The following FRMD3 variants were observed in gnomAD, a reference collection of about 807,000 sequenced individuals.
The protein encoded by FRMD3 is FERM domain containing 3.
FRMD3 carries 33 observed loss-of-function variants against 70.2 expected under a neutral mutation model. The ratio of observed to expected loss-of-function variants is 0.47; its 90% CI spans 0.36 to 0.63. FRMD3 has a LOEUF of 0.63. Among genes scored for constraint, FRMD3 ranks in the 20% least tolerant of loss-of-function variants. The pLI is 0.00. For missense variants in FRMD3, 632 were observed against 711.4 expected, an observed-to-expected ratio of 0.89 and a Z score of 1.27; for synonymous variants, 279 against 255.9, an observed-to-expected ratio of 1.09 and a Z score of -0.86.
At chr9:83,269,253 C>T (rs577274219) in intron 13 of FRMD3, among the ~76,000 whole-genome samples, 1 of 152,270 alleles carries the variant, frequency 6.6e-6, no homozygotes, top group South Asian at 2.1e-4. Flanking sequence ...CATGTTAAAA[C>T]AACATATGAC....
chr9:83,538,225 C>T lies in FRMD3; in HGVS notation c.7G>A (p.Ala3Thr), dbSNP rs560724155. Residue 3 changes from alanine (A) to threonine (T), a missense_variant, in exon 1 of 14, where the codon GCC becomes ACC. Ala to Thr is a moderately conservative substitution (Grantham distance 58). Around this residue, in one of 3 missense-constraint regions of FRMD3, gnomAD observed 208 missense variants for 247.7 expected, o/e 0.84. Coordinates refer to ENST00000304195, the MANE Select transcript of FRMD3 (RefSeq NM_174938.6). The surrounding 1 kb of genome is among the most constrained non-coding windows in gnomAD (Gnocchi z 4.7). Reference sequence around the variant, plus strand: ...CCTCTCGGCACACAGTGGCAGGAGGCGAACATGCACCGCGGCCGTGGGGAG... The same window carrying T: ...CCTCTCGGCACACAGTGGCAGGAGGTGAACATGCACCGCGGCCGTGGGGAG... MF[A>T]SCHCVPRGRR... is the part of the protein sequence containing the mutation. 1.9e-5 allele frequency: 30 copies of T among 1,570,786 alleles called. No individual in the cohort carries two copies. The South Asian group carries it at 3.1e-4, about 16-fold the overall frequency.
chr9:83,409,576 G>C (rs1826222414), intron 1 of FRMD3, among the ~76,000 whole-genome samples: 1 of 152,220 alleles, frequency 6.6e-6, no homozygotes, highest in Non-Finnish European at 1.5e-5. Flanking sequence ...GCAAATGCTT[G>C]TGTATGATTA....
At chr9:83,530,776 A>T (rs1046221495) in intron 1 of FRMD3, among the ~76,000 whole-genome samples, 11 of 152,250 alleles carry the variant, frequency 7.2e-5, no homozygotes, top group Non-Finnish European at 1.3e-4. Flanking sequence ...ACACTTTGAG[A>T]ACCACCTACC....
At chr9:83,556,347 G>A in the FRMD3 span, among the ~76,000 whole-genome samples, 1 of 152,160 alleles carries the variant, frequency 6.6e-6, no homozygotes, top group Non-Finnish European at 1.5e-5. Context: ...TTGACCTACA[G>A]CCAGCAAGCT....
At chr9:83,476,705 A>C (rs1338895716) in intron 1 of FRMD3, among the ~76,000 whole-genome samples, 1 of 152,210 alleles carries the variant, frequency 6.6e-6, no homozygotes, top group Non-Finnish European at 1.5e-5. Context: ...AACTGGAAGA[A>C]GTCAATGGGT....
intron 3 of FRMD3, among the ~76,000 whole-genome samples, chr9:83,371,815 G>C (rs537039041): frequency 1.3e-5 from 2 of 152,150 alleles, no homozygotes; most frequent in East Asian, 3.9e-4. Flanking sequence ...GGAAGAGGGA[G>C]GGGAAGGAAA....
the FRMD3 span, among the ~76,000 whole-genome samples, chr9:83,578,887 T>C: frequency 1.3e-5 from 2 of 152,040 alleles, no homozygotes; most frequent in Non-Finnish European, 2.9e-5. Context: ...TTTTCTCTGT[T>C]TGCTGATGAC....
At chr9:83,371,310 C>T (rs1447702845) in intron 3 of FRMD3, among the ~76,000 whole-genome samples, 1 of 138,386 alleles carries the variant, frequency 7.2e-6, no homozygotes, top group African/African-American at 2.8e-5. Context: ...CCTGGGACCC[C>T]TGTCTTATTA....
the FRMD3 span, among the ~76,000 whole-genome samples, chr9:83,567,448 C>T: frequency 1.3e-5 from 2 of 152,214 alleles, no homozygotes; most frequent in Non-Finnish European, 2.9e-5. Flanking sequence ...AGGCTGCTTG[C>T]TACTTATGCA....
At chr9:83,516,247 A>G (rs928097183) in intron 1 of FRMD3, among the ~76,000 whole-genome samples, 1 of 152,088 alleles carries the variant, frequency 6.6e-6, no homozygotes, top group Non-Finnish European at 1.5e-5. Flanking sequence ...AGACACACAT[A>G]GGCTCAAAAT....
intron 13 of FRMD3, among the ~76,000 whole-genome samples, chr9:83,273,276 T>C (rs1161344262): frequency 6.6e-6 from 1 of 151,360 alleles, no homozygotes; most frequent in African/African-American, 2.4e-5. Context: ...CTCCATTTTG[T>C]TCTGTACTAA....
chr9:83,331,633 A>G (rs1823373385), intron 6 of FRMD3, among the ~76,000 whole-genome samples: 1 of 152,206 alleles, frequency 6.6e-6, no homozygotes, highest in Admixed American at 6.5e-5. Context: ...GTTGTAATAC[A>G]TGTACCACTC....
At chr9:83,534,873 C>T (rs1399232895) in intron 1 of FRMD3, among the ~76,000 whole-genome samples, 1 of 152,184 alleles carries the variant, frequency 6.6e-6, no homozygotes, top group African/African-American at 2.4e-5. Context: ...CAAATAGGGT[C>T]GCTTTGTCCA....
chr9:83,403,554 G>A (rs535366826), intron 1 of FRMD3, among the ~76,000 whole-genome samples: 43 of 152,274 alleles, frequency 2.8e-4, no homozygotes, highest in Non-Finnish European at 5.7e-4. Context: ...GAGACCCCAC[G>A]AGAAGACGGA....
chr9:83,502,336 G>T (rs546306478), intron 1 of FRMD3, among the ~76,000 whole-genome samples: 2 of 152,234 alleles, frequency 1.3e-5, no homozygotes, highest in African/African-American at 4.8e-5. Context: ...AGTACCAGAA[G>T]TAGAGGTGAC....
intron 6 of FRMD3, among the ~76,000 whole-genome samples, chr9:83,333,269 T>C (rs538750192): frequency 6.6e-6 from 1 of 152,224 alleles, no homozygotes; most frequent in Non-Finnish European, 1.5e-5. Flanking sequence ...CCTTCAGGCA[T>C]ACAACTCCCA....
At chr9:83,562,555 A>G in the FRMD3 span, among the ~76,000 whole-genome samples, 2 of 152,218 alleles carry the variant, frequency 1.3e-5, no homozygotes, top group African/African-American at 4.8e-5. Context: ...GCAGGAACAT[A>G]CGTTTCTCGG....
intron 5 of FRMD3, among the ~76,000 whole-genome samples, chr9:83,342,424 T>C (rs1564024846): frequency 6.6e-6 from 1 of 152,256 alleles, no homozygotes; most frequent in South Asian, 2.1e-4. Flanking sequence ...TGAAATCACA[T>C]GGCAAGGAAG....
chr9:83,345,044 C>T (rs750929762), intron 4 of FRMD3, among the ~76,000 whole-genome samples: 6 of 152,142 alleles, frequency 3.9e-5, no homozygotes, highest in Admixed American at 6.5e-5. Flanking sequence ...AACCCCAGAG[C>T]ACTGGAGCTC....
Sources: gnomAD v4.1 joint callset for allele counts (sites outside exome capture counted in the v4.1 genomes callset) on GRCh38, gnomAD v4.1.1 for gene constraint, gnomAD v4.1.1 regional missense constraint, Gnocchi (gnomAD v3.1) non-coding constraint, MANE v1.5 for transcripts, NCBI Gene and HGNC (gene_info 2026-07-23, HGNC 2026-07-21) for gene names.